Variants in HTR1E observed in about 807,000 individuals in gnomAD.
HTR1E encodes 5-HT-1E.
A neutral mutation model predicts 3.4 loss-of-function variants in HTR1E; 3 were observed. The observed-to-expected ratio is 0.89, with a 90% confidence interval of 0.41 to 2.31. The LOEUF (loss-of-function observed/expected upper bound fraction) is 2.31. Among genes scored for constraint, HTR1E ranks in the 30% most tolerant of loss-of-function variants. The pLI is 0.05. For missense variants in HTR1E, 392 were observed against 467.0 expected (o/e 0.84, Z 1.48); for synonymous variants, 170 against 182.8 (o/e 0.93, Z 0.56).
chr6:86,981,719 A>C (rs993500955), intron 1 of HTR1E, among the ~76,000 whole-genome samples: 1 of 152,218 alleles, frequency 6.6e-6, no homozygotes, highest in East Asian at 1.9e-4. Context: ...TGTGTATTAC[A>C]TATATTGTTT....
chr6:86,970,791 A>G, intron 1 of HTR1E: 1 of 226,766 alleles, frequency 4.4e-6, no homozygotes, highest in South Asian at 6.6e-5. Flanking sequence ...CAGCTTCTTC[A>G]CCTTTGTCGG....
chr6:87,001,212 G>A (rs1405381905), intron 1 of HTR1E, among the ~76,000 whole-genome samples: 4 of 151,966 alleles, frequency 2.6e-5, no homozygotes, highest in Admixed American at 6.6e-5. Context: ...AGGAAATCAC[G>A]TTTGCCAAAA....
At position 87,016,475 on chromosome 6, in the gene HTR1E, G is replaced by C. The variant is rs779501653; in HGVS notation, c.*43G>C. 2 of 1,522,304 alleles carry C rather than the reference G, an allele frequency of 1.3e-6. No homozygotes were observed. The highest frequency in any genetic ancestry group is 2.0e-5 in the Admixed American group (1 of 50,512). 94.3% of individuals were successfully genotyped at this position (1,522,304 alleles called of 1,614,324 possible). A position where few individuals can be genotyped will look rare whatever the true frequency, so the allele number is the denominator to read the frequency against. ...GGCACGACTTTTTCCAGAGCCTCAT[G>C]AGTGGATGGGGGTAAGGGGTGCAAC... On this transcript the variant is annotated 3_prime_UTR_variant, in exon 2 of 2. Transcript: ENST00000305344.
At chr6:86,941,907 G>A (rs1021202471) in intron 1 of HTR1E, among the ~76,000 whole-genome samples, 1 of 151,496 alleles carries the variant, frequency 6.6e-6, no homozygotes, top group Non-Finnish European at 1.5e-5. Flanking sequence ...GGGAAGGAGG[G>A]AAGTGTTATA....
In HTR1E at chr6:86,988,844, G is replaced by A. The variant is rs376951188; in HGVS notation, c.-185-26306G>A. ...AAGAGTAGAAAATAAGCCAAGAAAA[G>A]AGAAAGATGACTAAATATCAACATA... On this transcript the variant is annotated intron_variant, in intron 1 of 1. Coordinates refer to ENST00000305344, the MANE Select transcript of HTR1E (RefSeq NM_000865.3). Among the ~76,000 whole-genome samples, 340 of 152,204 alleles carry A rather than the reference G, an allele frequency of 2.2e-3. 2 individuals are homozygous for A. Among genetic ancestry groups the A allele is most frequent in the Middle Eastern group, 0.017 (5 of 294 alleles).
At chr6:86,992,872 A>C (rs1265848058) in intron 1 of HTR1E, among the ~76,000 whole-genome samples, 51 of 152,208 alleles carry the variant, frequency 3.4e-4, no homozygotes. Context: ...CAGTGGCTTA[A>C]CACAATAAAA....
intron 1 of HTR1E, among the ~76,000 whole-genome samples, chr6:87,001,949 A>G (rs571265359): frequency 5.3e-5 from 8 of 152,340 alleles, no homozygotes; most frequent in African/African-American, 1.9e-4. Context: ...ATGGAAACCA[A>G]AAAAGATGAG....
intron 1 of HTR1E, among the ~76,000 whole-genome samples, chr6:86,950,002 G>T (rs1767204510): frequency 6.6e-6 from 1 of 152,150 alleles, no homozygotes; most frequent in Admixed American, 6.5e-5. Flanking sequence ...ATCATGTCTG[G>T]CTTGGAGAGA....
At position 87,015,993 on chromosome 6, in the gene HTR1E, G is replaced by A. The variant is rs200964832; in HGVS notation, c.659G>A (p.Arg220Gln). The A allele has an allele frequency of 5.0e-6, 8 of 1,614,160 alleles. No homozygotes were observed. Among genetic ancestry groups the A allele is most frequent in the East Asian group, 2.2e-5 (1 of 44,888 alleles). Residue 220 changes from arginine (R) to glutamine (Q), a missense_variant, in exon 2 of 2, where the codon CGG becomes CAG. Physicochemically the swap from Arg to Gln is conservative, Grantham distance 43. This residue lies in a region of HTR1E where 178 missense variants were observed against 164.9 expected (regional missense o/e 1.08). Transcript: ENST00000305344. ...KSLYQKRGSS[R>Q]HLSNRSTDSQ... ...CTTTACCAGAAAAGGGGATCAAGTC[G>A]GCACTTAAGCAACAGAAGCACAGAT... is the stretch of plus-strand genomic sequence containing the variant.
At chr6:86,960,150 T>A (rs557931357) in intron 1 of HTR1E, among the ~76,000 whole-genome samples, 1 of 152,152 alleles carries the variant, frequency 6.6e-6, no homozygotes, top group Non-Finnish European at 1.5e-5. Flanking sequence ...GAAATGTATG[T>A]CCCACAGTTC....
rs57513474 is a variant in HTR1E at position 86,975,918 on chromosome 6, GACACACAC to G, written c.-186+38118_-186+38125del. On this transcript the variant is annotated intron_variant, in intron 1 of 1. Transcript: ENST00000305344. ...TCTTTCTCTCTCTCTCTCTCTCTGA[GACACACAC>G]ACACACACACACACACACACACTCT... is the stretch of plus-strand genomic sequence containing the variant. Among the ~76,000 whole-genome samples, 66 of 144,238 alleles carry G rather than the reference GACACACAC, an allele frequency of 4.6e-4. 1 individual carries two copies. Among genetic ancestry groups the G allele is most frequent in the South Asian group, 1.8e-3 (8 of 4,448 alleles). 94.6% of individuals were successfully genotyped at this position (144,238 alleles called of 152,430 possible).
rs769571271 is a variant in HTR1E, at chr6:87,015,153, C to T, written c.-182C>T. The T allele has an allele frequency of 7.3e-6, 3 of 409,828 alleles. No individual in the cohort carries two copies. The allele number at this position is 409,828 out of a possible 1,614,324, so 25.4% of individuals were successfully genotyped here. A position where few individuals can be genotyped will look rare whatever the true frequency, so the allele number is the denominator to read the frequency against. ...CCAATAGCATAATATTTTCCAGGAA[C>T]CTTCACTCAGAAGAAATGCTGTGGC... On this transcript the variant is annotated 5_prime_UTR_variant, in exon 2 of 2. Coordinates refer to ENST00000305344, the MANE Select transcript of HTR1E (RefSeq NM_000865.3).
intron 1 of HTR1E, among the ~76,000 whole-genome samples, chr6:86,939,738 T>C (rs1407106440): frequency 2.0e-5 from 3 of 152,192 alleles, no homozygotes; most frequent in Non-Finnish European, 4.4e-5. Flanking sequence ...ATCACAAGCA[T>C]AGTAAAATCA....
At position 87,006,363 on chromosome 6, in the gene HTR1E, G is replaced by A. The variant is rs149315491; in HGVS notation, c.-185-8787G>A. Among the ~76,000 whole-genome samples, 512 of 152,200 alleles carry A rather than the reference G, an allele frequency of 3.4e-3. 2 individuals carry two copies. Among genetic ancestry groups the A allele is most frequent in the Non-Finnish European group, 5.3e-3 (362 of 68,006 alleles). On this transcript the variant is annotated intron_variant, in intron 1 of 1. Coordinates refer to ENST00000305344, the MANE Select transcript of HTR1E (RefSeq NM_000865.3). ...ACAAATGAATTGATAAGGAAAATGT[G>A]GTAGCAAAGAGATACCATCTCACAC...
chr6:86,950,029 A>G (rs1225455718), intron 1 of HTR1E, among the ~76,000 whole-genome samples: 1 of 152,200 alleles, frequency 6.6e-6, no homozygotes, highest in Non-Finnish European at 1.5e-5. Context: ...CATATGGCAA[A>G]TGAAGACACA....
At chr6:87,009,685 G>A (rs1182740188) in intron 1 of HTR1E, among the ~76,000 whole-genome samples, 3 of 145,664 alleles carry the variant, frequency 2.1e-5, no homozygotes, top group East Asian at 2.2e-4. Context: ...CTGGCCGGGC[G>A]GGGGGCCGAC....
rs1767151214 is a variant in HTR1E, at chr6:86,948,051, A to T, written c.-186+10228A>T. The stretch of plus-strand genomic sequence containing the variant: ...CTCCCTTTACCCTCCACCCCGCGAC[A>T]GGCCCCAGTGTGTGATGTTCCCCTC... On this transcript the variant is annotated intron_variant, in intron 1 of 1. Transcript: ENST00000305344. Among the ~76,000 whole-genome samples, 5 of 152,084 alleles carry T rather than the reference A, an allele frequency of 3.3e-5. No individual in the cohort carries two copies. The South Asian group carries it at 1.0e-3, about 32-fold the overall frequency.
intron 1 of HTR1E, among the ~76,000 whole-genome samples, chr6:86,947,854 T>C (rs1210549890): frequency 6.6e-6 from 1 of 152,154 alleles, no homozygotes; most frequent in Non-Finnish European, 1.5e-5. Flanking sequence ...AATTGTGAAG[T>C]AGTTTCTTTT....
chr6:86,948,603 A>G (rs1767159330), intron 1 of HTR1E, among the ~76,000 whole-genome samples: 1 of 152,154 alleles, frequency 6.6e-6, no homozygotes. Context: ...AATGCTGGAA[A>G]TTGCTGAAGT....
Sources: gnomAD v4.1 joint callset for allele counts (sites outside exome capture counted in the v4.1 genomes callset) on GRCh38, gnomAD v4.1.1 for gene constraint, gnomAD v4.1.1 regional missense constraint, MANE v1.5 for transcripts, NCBI Gene and HGNC (gene_info 2026-07-23, HGNC 2026-07-21) for gene names.